Variants in PCDH9 observed in about 807,000 individuals in gnomAD.
The protein encoded by PCDH9 is protocadherin-9.
PCDH9 carries 24 observed loss-of-function variants against 70.6 expected under a neutral mutation model. The observed-to-expected ratio is 0.34, with a 90% CI of 0.25 to 0.48. The LOEUF is 0.48. PCDH9 is among the 20% of genes least tolerant of loss of function. PCDH9 has a pLI of 0.99. For synonymous variants in PCDH9, 562 were observed against 558.5 expected, an observed-to-expected ratio of 1.01 and a Z score of -0.09; for missense variants, 1,281 against 1,503.6, an observed-to-expected ratio of 0.85 and a Z score of 2.45.
intron 4 of PCDH9, among the ~76,000 whole-genome samples, chr13:66,467,393 T>G (rs1027659547): frequency 6.6e-6 from 1 of 152,060 alleles, no homozygotes; most frequent in African/African-American, 2.4e-5. Context: ...GTCAGGTACC[T>G]ATGTCTACTC....
chr13:66,448,574 G>A (rs1466578774), intron 4 of PCDH9, among the ~76,000 whole-genome samples: 1 of 152,168 alleles, frequency 6.6e-6, no homozygotes, highest in Non-Finnish European at 1.5e-5. Flanking sequence ...ATACAGACCT[G>A]TCTTTATAAC....
At chr13:66,747,791 A>T (rs2079394940) in intron 3 of PCDH9, among the ~76,000 whole-genome samples, 1 of 152,210 alleles carries the variant, frequency 6.6e-6, no homozygotes, top group Non-Finnish European at 1.5e-5. Flanking sequence ...ATGTATATAT[A>T]ATCTCCACAT....
intron 4 of PCDH9, among the ~76,000 whole-genome samples, chr13:66,551,665 G>T: frequency 6.6e-6 from 1 of 152,028 alleles, no homozygotes; most frequent in East Asian, 1.9e-4. Context: ...TGGTTAATTT[G>T]TTAACCAAAT....
chr13:66,751,336 AG>A (rs1020720260), intron 3 of PCDH9, among the ~76,000 whole-genome samples: 1 of 152,150 alleles, frequency 6.6e-6, no homozygotes, highest in African/African-American at 2.4e-5. Context: ...GAATTGAGCA[AG>A]GGGTCTATAA....
intron 4 of PCDH9, among the ~76,000 whole-genome samples, chr13:66,561,674 T>C (rs1962043558): frequency 1.3e-5 from 2 of 152,052 alleles, no homozygotes; most frequent in South Asian, 4.2e-4. Context: ...TGGAGAACCT[T>C]TGTGTTGACA....
At chr13:66,745,930 C>T (rs1374987521) in intron 3 of PCDH9, among the ~76,000 whole-genome samples, 1 of 152,130 alleles carries the variant, frequency 6.6e-6, no homozygotes, top group African/African-American at 2.4e-5. Context: ...CCCTTAGATC[C>T]TTTCTCTGGC....
At chr13:66,611,538 A>G (rs1232667037) in intron 4 of PCDH9, among the ~76,000 whole-genome samples, 2 of 152,192 alleles carry the variant, frequency 1.3e-5, no homozygotes, top group Non-Finnish European at 2.9e-5. Flanking sequence ...AGCTAAATCT[A>G]TGTCACTCTG....
intron 3 of PCDH9, among the ~76,000 whole-genome samples, chr13:66,706,221 T>C (rs1355410897): frequency 6.6e-6 from 1 of 152,206 alleles, no homozygotes; most frequent in Admixed American, 6.5e-5. Flanking sequence ...GGCATCATTA[T>C]TGTCAGCTTC....
chr13:66,304,703 A>G lies in PCDH9; in HGVS notation c.3666T>C (p.Tyr1222=), dbSNP rs1249951257. The change falls in exon 5 of 5, where the codon TAT becomes TAC. Residue 1222 remains tyrosine (Y), a synonymous_variant. Coordinates refer to ENST00000377865, the MANE Select transcript of PCDH9 (RefSeq NM_203487.3). ...TCTCAGTAGCACCTCCTGCTTGCTT[A>G]TAAGACTTCAGATTTGCCAGAGGAA... ...TDIPLANLKS[Y]KQAGGATESP... is the part of the protein sequence containing the mutation. The G allele has an allele frequency of 6.2e-7, 1 of 1,613,366 alleles. No homozygotes were observed. The highest frequency in any genetic ancestry group is 2.2e-5 in the East Asian group (1 of 44,868).
intron 3 of PCDH9, among the ~76,000 whole-genome samples, chr13:66,869,683 C>T (rs1242684186): frequency 6.6e-6 from 1 of 152,102 alleles, no homozygotes; most frequent in Non-Finnish European, 1.5e-5. Flanking sequence ...AAAAATTAGA[C>T]TGGTGTTTTA....
At chr13:66,716,349 ATG>A (rs980921592) in intron 3 of PCDH9, among the ~76,000 whole-genome samples, 27 of 152,254 alleles carry the variant, frequency 1.8e-4, no homozygotes, top group African/African-American at 6.3e-4. Flanking sequence ...AAATTAATGT[ATG>A]TAATTCATTG....
At chr13:67,042,071 G>C (rs1256354043) in intron 2 of PCDH9, among the ~76,000 whole-genome samples, 1 of 152,080 alleles carries the variant, frequency 6.6e-6, no homozygotes, top group Admixed American at 6.6e-5. Context: ...CTCCAGGATG[G>C]GGGTGTTTCG....
chr13:67,140,683 G>C (rs1401038211), intron 2 of PCDH9, among the ~76,000 whole-genome samples: 1 of 152,146 alleles, frequency 6.6e-6, no homozygotes, highest in Non-Finnish European at 1.5e-5. Context: ...ATTCCAATGT[G>C]CCTCCTCCAC....
chr13:66,481,887 C>T (rs1048713256), intron 4 of PCDH9, among the ~76,000 whole-genome samples: 10 of 151,768 alleles, frequency 6.6e-5, no homozygotes, highest in Non-Finnish European at 1.2e-4. Flanking sequence ...AAATCATTAA[C>T]AAAAATACTT....
chr13:66,989,006 C>T (rs1253301499), intron 2 of PCDH9, among the ~76,000 whole-genome samples: 1 of 151,926 alleles, frequency 6.6e-6, no homozygotes, highest in African/African-American at 2.4e-5. Context: ...TAGATACTCA[C>T]ATGCAGCAAA....
At chr13:66,963,750 C>T (rs4884709) in intron 2 of PCDH9, among the ~76,000 whole-genome samples, 151,002 of 152,332 alleles carry the variant, frequency 0.99, 74,852 homozygotes, top group East Asian at 1. Context: ...ATTCTTCTTT[C>T]GGGATATAAT....
chr13:66,366,855 G>A (rs1351795201), intron 4 of PCDH9, among the ~76,000 whole-genome samples: 1 of 152,056 alleles, frequency 6.6e-6, no homozygotes, highest in South Asian at 2.1e-4. Flanking sequence ...TGGTTCACCT[G>A]AGTTAGTTTT....
chr13:66,740,785 A>C (rs1169736468), intron 3 of PCDH9, among the ~76,000 whole-genome samples: 5 of 150,858 alleles, frequency 3.3e-5, no homozygotes, highest in African/African-American at 1.2e-4. Context: ...CCCAAGACTA[A>C]ACCAGGAAGA....
rs1951285661 is a variant in PCDH9 at position 66,574,330 on chromosome 13, TTC to T, written c.3340+56878_3340+56879del. ...TGCCTCCCTGCTTCCACAATCTCATTTCTCTCTCTCTATGTCTTTACTGAACC... is the reference window on the plus strand; with the variant it reads ...TGCCTCCCTGCTTCCACAATCTCATTTCTCTCTCTATGTCTTTACTGAACC... On this transcript the variant is annotated intron_variant, in intron 4 of 4. Coordinates refer to ENST00000377865, the MANE Select transcript of PCDH9 (RefSeq NM_203487.3). 1.3e-5 allele frequency among the ~76,000 whole-genome samples: 2 copies of T among 152,114 alleles called. 1 individual carries two copies. Among genetic ancestry groups the T allele is most frequent in the South Asian group, 4.2e-4 (2 of 4,798 alleles).
Sources: allele counts gnomAD v4.1 joint callset (sites outside exome capture counted in the v4.1 genomes callset), GRCh38; gene constraint gnomAD v4.1.1; transcripts MANE v1.5; gene names NCBI Gene and HGNC (gene_info 2026-07-23, HGNC 2026-07-21).